FAT3: variants seen among roughly 807,000 people sequenced by gnomAD.
FAT3 encodes protocadherin Fat 3.
FAT3 carries 95 observed loss-of-function variants against 310.2 expected under a neutral mutation model. The ratio of observed to expected loss-of-function variants is 0.31; its 90% CI spans 0.26 to 0.36. The LOEUF is 0.36. FAT3 is among the 10% of genes least tolerant of loss of function. FAT3 has a pLI of 1.00. For missense variants in FAT3, 5,408 were observed against 5,715.6 expected (o/e 0.95, Z 1.74); for synonymous variants, 2,314 against 2,192.9 (o/e 1.06, Z -1.54).
At chr11:92,780,109 A>G (rs1204396317) in intron 7 of FAT3, among the ~76,000 whole-genome samples, 1 of 151,314 alleles carries the variant, frequency 6.6e-6, no homozygotes, top group African/African-American at 2.4e-5. Flanking sequence ...CACCTACACA[A>G]CTATGAGATA....
At chr11:92,545,049 A>T (rs1954572498) in intron 3 of FAT3, among the ~76,000 whole-genome samples, 1 of 152,010 alleles carries the variant, frequency 6.6e-6, no homozygotes, top group South Asian at 2.1e-4. Context: ...ACCATTCATT[A>T]CCTCTCTGTC....
chr11:92,445,783 C>A (rs1294912745), intron 2 of FAT3, among the ~76,000 whole-genome samples: 2 of 151,930 alleles, frequency 1.3e-5, no homozygotes, highest in Non-Finnish European at 2.9e-5. Context: ...TGGTTGTTTC[C>A]TTGGGTCTTT....
intron 3 of FAT3, among the ~76,000 whole-genome samples, chr11:92,564,221 G>A (rs1476914518): frequency 6.6e-6 from 1 of 151,882 alleles, no homozygotes; most frequent in East Asian, 1.9e-4. Context: ...AACAAAAAAA[G>A]GCAGGGGTTG....
intron 2 of FAT3, among the ~76,000 whole-genome samples, chr11:92,405,426 T>G (rs573419082): frequency 6.6e-6 from 1 of 152,336 alleles, no homozygotes; most frequent in African/African-American, 2.4e-5. Flanking sequence ...TGATCTCATT[T>G]AATAATCTTT....
intron 3 of FAT3, among the ~76,000 whole-genome samples, chr11:92,626,799 C>T (rs11020028): frequency 0.028 from 4,224 of 152,190 alleles, 217 homozygotes; most frequent in African/African-American, 0.096. Context: ...AGATATCCTC[C>T]GCTCCATTGG....
At chr11:92,621,039 A>G (rs1179339370) in intron 3 of FAT3, among the ~76,000 whole-genome samples, 3 of 152,158 alleles carry the variant, frequency 2.0e-5, no homozygotes, top group Non-Finnish European at 4.4e-5. Context: ...CCTCATTTTA[A>G]ACTATCATGG....
intron 2 of FAT3, among the ~76,000 whole-genome samples, chr11:92,491,323 G>A (rs762667385): frequency 2.9e-4 from 44 of 152,070 alleles, no homozygotes; most frequent in Non-Finnish European, 5.0e-4. Flanking sequence ...GTATCTAATG[G>A]ATAGAGACCA....
At chr11:92,657,509 G>A (rs1334654708) in intron 3 of FAT3, among the ~76,000 whole-genome samples, 1 of 152,188 alleles carries the variant, frequency 6.6e-6, no homozygotes, top group East Asian at 1.9e-4. Flanking sequence ...AAGTACAGAT[G>A]AGTGCCTTCG....
chr11:92,294,167 T>C (rs1354028296), intron 1 of FAT3, among the ~76,000 whole-genome samples: 1 of 152,070 alleles, frequency 6.6e-6, no homozygotes, highest in African/African-American at 2.4e-5. Flanking sequence ...CCTTCTTGCT[T>C]TGCCCTCAAA....
chr11:92,226,703 G>A (rs914149496), intron 1 of FAT3, among the ~76,000 whole-genome samples: 1 of 152,052 alleles, frequency 6.6e-6, no homozygotes, highest in South Asian at 2.1e-4. Flanking sequence ...GGCCCGGAGC[G>A]TGGGCGGCCG....
intron 7 of FAT3, among the ~76,000 whole-genome samples, chr11:92,777,505 T>C (rs1442670200): frequency 1.3e-5 from 2 of 152,148 alleles, no homozygotes; most frequent in African/African-American, 4.8e-5. Flanking sequence ...TCCAATGAAC[T>C]AAACGCAAGA....
chr11:92,238,470 C>G (rs1007664613), intron 1 of FAT3, among the ~76,000 whole-genome samples: 2 of 151,988 alleles, frequency 1.3e-5, no homozygotes, highest in African/African-American at 4.8e-5. Flanking sequence ...CTTGAAATTT[C>G]GTTTGTATAG....
At chr11:92,405,580 G>T (rs935118355) in intron 2 of FAT3, among the ~76,000 whole-genome samples, 2 of 152,084 alleles carry the variant, frequency 1.3e-5, no homozygotes, top group Admixed American at 6.6e-5. Context: ...AACATAACAA[G>T]ACCCCATCTC....
chr11:92,245,936 A>T (rs1036047714), intron 1 of FAT3, among the ~76,000 whole-genome samples: 1 of 152,130 alleles, frequency 6.6e-6, no homozygotes, highest in Non-Finnish European at 1.5e-5. Context: ...GGGGAGTGTC[A>T]TGGAAGCCAA....
At chr11:92,333,238 A>G (rs994309050) in intron 1 of FAT3, among the ~76,000 whole-genome samples, 19 of 152,320 alleles carry the variant, frequency 1.2e-4, no homozygotes, top group Admixed American at 9.8e-4. Context: ...TTGCAATTCC[A>G]CATGTGGAAT....
intron 3 of FAT3, among the ~76,000 whole-genome samples, chr11:92,613,564 A>C (rs548843912): frequency 6.6e-6 from 1 of 152,230 alleles, no homozygotes; most frequent in African/African-American, 2.4e-5. Flanking sequence ...ATATTTAATA[A>C]CCCACCAACT....
chr11:92,718,169 A>G (rs1242791554), intron 4 of FAT3, among the ~76,000 whole-genome samples: 1 of 151,998 alleles, frequency 6.6e-6, no homozygotes, highest in Non-Finnish European at 1.5e-5. Context: ...TGATGTGGTC[A>G]CTCCCTAGTG....
chr11:92,362,297 T>C (rs1465407017), intron 2 of FAT3, among the ~76,000 whole-genome samples: 2 of 152,248 alleles, frequency 1.3e-5, no homozygotes, highest in Admixed American at 6.5e-5. Flanking sequence ...AGCTAATTTC[T>C]ATATATTGTG....
At chr11:92,604,257 A>G (rs1424255275) in intron 3 of FAT3, among the ~76,000 whole-genome samples, 1 of 152,198 alleles carries the variant, frequency 6.6e-6, no homozygotes, top group Non-Finnish European at 1.5e-5. Flanking sequence ...ATACTAATAT[A>G]TATGGACCAG....
Sources: allele counts gnomAD v4.1 joint callset (sites outside exome capture counted in the v4.1 genomes callset), GRCh38; gene constraint gnomAD v4.1.1; transcripts MANE v1.5; gene names NCBI Gene and HGNC (gene_info 2026-07-23, HGNC 2026-07-21).